Variants in OR8B8 observed in about 807,000 individuals in gnomAD.
OR8B8 encodes olfactory receptor 8B8.
A neutral mutation model predicts 10.5 loss-of-function variants in OR8B8; 8 were observed. That is an observed-to-expected ratio of 0.76 (90% confidence interval 0.45 to 1.38). OR8B8 has a LOEUF of 1.38. Ranked by LOEUF, OR8B8 falls within the 40% of genes most tolerant of loss-of-function variation. The pLI, the probability that OR8B8 is intolerant of heterozygous loss-of-function variation, is 0.00. For synonymous variants in OR8B8, 150 were observed against 145.2 expected (o/e 1.03, Z -0.24); for missense variants, 390 against 380.5 (o/e 1.03, Z -0.21).
In OR8B8 at chr11:124,440,977, C is replaced by A; in HGVS notation, c.109G>T (p.Val37Phe). ...LFFLFLGFYVVTVVGNLGLIT... is the reference protein window; with the variant it reads ...LFFLFLGFYVFTVVGNLGLIT... ...AAGCCCAGGTTCCCCACCACAGTGA[C>A]CACGTAGAAGCCTAGAAACAGGAAG... The change falls in exon 3 of 3, where the codon GTC (valine) becomes TTC (phenylalanine). Residue 37 changes from valine (V) to phenylalanine (F), a missense_variant. Transcript: ENST00000642064. The A allele has an allele frequency of 6.2e-7, 1 of 1,614,048 alleles. No individual in the cohort carries two copies. Among genetic ancestry groups the A allele is most frequent in the South Asian group, 1.1e-5 (1 of 91,074 alleles).
In OR8B8 at chr11:124,440,209, T is replaced by C. The variant is rs895103350; in HGVS notation, c.877A>G (p.Arg293Gly). 4.3e-6 allele frequency: 7 copies of C among 1,614,120 alleles called. No individual in the cohort carries two copies. The highest frequency in any genetic ancestry group is 5.9e-6 in the Non-Finnish European group (7 of 1,180,022). ...PMLNPLIYSL[R>G]NKDVKVALKK... Reference sequence around the variant, plus strand: ...AGAGCAACTTTGACGTCCTTATTCCTCAGGCTATAAATTAATGGGTTGAGC... The same window carrying C: ...AGAGCAACTTTGACGTCCTTATTCCCCAGGCTATAAATTAATGGGTTGAGC... Residue 293 changes from arginine (R) to glycine (G), a missense_variant, in exon 3 of 3, where the codon AGG (arginine) becomes GGG (glycine). Physicochemically the swap from Arg to Gly is moderately radical, Grantham distance 125. Coordinates refer to ENST00000642064, the MANE Select transcript of OR8B8 (RefSeq NM_012378.2).
Position 124,440,646 on chromosome 11 carries a change from C to T in OR8B8, c.440G>A (p.Gly147Asp). The T allele has an allele frequency of 6.2e-7, 1 of 1,614,140 alleles. No individual in the cohort carries two copies. ...CCCAGCAAACCCCATCCCATAGACA[C>T]CCAACAAAAGGAGAAAACACACCTG... is the stretch of plus-strand genomic sequence containing the variant. ...SPQVCFLLLL[G>D]VYGMGFAGAM... Residue 147 changes from glycine (G) to aspartate (D), a missense_variant, in exon 3 of 3, where the codon GGT becomes GAT. By Grantham distance (94) the Gly-to-Asp change is moderately conservative. Transcript: ENST00000642064.
intron 1 of OR8B8, among the ~76,000 whole-genome samples, chr11:124,444,095 T>TTC (rs1039803495): frequency 3.9e-5 from 6 of 152,208 alleles, no homozygotes; most frequent in Admixed American, 3.3e-4. Flanking sequence ...TTCCCTGTTT[T>TTC]TCTCTCTCTC....
Position 124,440,307 on chromosome 11 carries a change from A to T in OR8B8, c.779T>A (p.Leu260His). 6.2e-7 allele frequency: 1 copy of T among 1,614,234 alleles called. No individual in the cohort carries two copies. Among genetic ancestry groups the T allele is most frequent in the South Asian group, 1.1e-5 (1 of 91,076 alleles). ...CATAGCTAAAAGAGAAAAGGGTTTG[A>T]GGTACATGAATGCTCCTGACCCAAA... is the stretch of plus-strand genomic sequence containing the variant. ...LFFGSGAFMY[L>H]KPFSLLAMNQ... Residue 260 changes from leucine (L) to histidine (H), a missense_variant, in exon 3 of 3, where the codon CTC (leucine) becomes CAC (histidine). Coordinates refer to ENST00000642064, the MANE Select transcript of OR8B8 (RefSeq NM_012378.2).
rs1369000360 is a variant in OR8B8, at chr11:124,438,932, A to G, written c.*1218T>C. 1.3e-5 allele frequency: 2 copies of G among 152,262 alleles called. No homozygotes were observed. Among genetic ancestry groups the G allele is most frequent in the South Asian group, 2.1e-4 (1 of 4,838 alleles). The allele number at this position is 152,262 out of a possible 1,614,324, so 9.4% of individuals were successfully genotyped here. A position where few individuals can be genotyped will look rare whatever the true frequency, so the allele number is the denominator to read the frequency against. On this transcript the variant is annotated 3_prime_UTR_variant, in exon 3 of 3. Coordinates refer to ENST00000642064, the MANE Select transcript of OR8B8 (RefSeq NM_012378.2). Reference sequence around the variant, plus strand: ...TCTGATTTCCTCTGCTGATGTTGCCATTGGTCTAACCCAACTGAAACCAGA... The same window carrying G: ...TCTGATTTCCTCTGCTGATGTTGCCGTTGGTCTAACCCAACTGAAACCAGA...
chr11:124,443,030 A>ATCTT (rs1160645650), intron 1 of OR8B8, among the ~76,000 whole-genome samples: 1 of 152,252 alleles, frequency 6.6e-6, no homozygotes, highest in African/African-American at 2.4e-5. Flanking sequence ...ATTGATCTGG[A>ATCTT]TATTTAGACA....
In OR8B8 at chr11:124,438,588, C is replaced by A. The variant is rs1861428937; in HGVS notation, c.*1562G>T. ...ATAAACCTGAGCCATATCATTTCTC[C>A]CACCCTTTATTGGAAGGTGCAGCAG... is the stretch of plus-strand genomic sequence containing the variant. On this transcript the variant is annotated 3_prime_UTR_variant, in exon 3 of 3. Transcript: ENST00000642064. 1 of 152,172 alleles carries A rather than the reference C, an allele frequency of 6.6e-6. No individual in the cohort carries two copies. Among genetic ancestry groups the A allele is most frequent in the African/African-American group, 2.4e-5 (1 of 41,430 alleles). 9.4% of individuals were successfully genotyped at this position (152,172 alleles called of 1,614,324 possible). A position where few individuals can be genotyped will look rare whatever the true frequency, so the allele number is the denominator to read the frequency against.
At chr11:124,441,127 T>A (rs2134238716) in intron 2 of OR8B8, 26 bp from the exon 3 acceptor site, 1 of 1,471,516 alleles carries the variant, frequency 6.8e-7, no homozygotes, top group African/African-American at 1.4e-5. Context: ...AAAAAGTTAT[T>A]TAGAGAGAGA....
At chr11:124,443,435 G>C (rs1442753428) in intron 1 of OR8B8, among the ~76,000 whole-genome samples, 2 of 152,152 alleles carry the variant, frequency 1.3e-5, no homozygotes, top group African/African-American at 2.4e-5. Context: ...GGGCTACTGG[G>C]TGTTGATGAC....
At position 124,440,614 on chromosome 11, in the gene OR8B8, C is replaced by T; in HGVS notation, c.472G>A (p.Ala158Thr). The change falls in exon 3 of 3, where the codon GCC becomes ACC. Residue 158 changes from alanine (A) to threonine (T), a missense_variant. Ala to Thr is a moderately conservative substitution (Grantham distance 58). Coordinates refer to ENST00000642064, the MANE Select transcript of OR8B8 (RefSeq NM_012378.2). ...ACACCCATCATGCACGCTGTGTGGG[C>T]CATGGCCCCAGCAAACCCCATCCCA... ...VYGMGFAGAM[A>T]HTACMMGVTF... is the part of the protein sequence containing the mutation. 6.2e-7 allele frequency: 1 copy of T among 1,614,142 alleles called. No homozygotes were observed. The highest frequency in any genetic ancestry group is 1.1e-5 in the South Asian group (1 of 91,072).
rs1861447320 is a variant in OR8B8, at chr11:124,440,047, G to C, written c.*103C>G. The C allele has an allele frequency of 1.1e-6, 1 of 870,556 alleles. No individual in the cohort carries two copies. The highest frequency in any genetic ancestry group is 1.7e-5 in the African/African-American group (1 of 58,904). 53.9% of individuals were successfully genotyped at this position (870,556 alleles called of 1,614,324 possible). Reference sequence around the variant, plus strand: ...ATTAAAGAACCCTTAAAATGGGGATGATGAACCTGTTTGAGGAAAAATTAT... The same window carrying C: ...ATTAAAGAACCCTTAAAATGGGGATCATGAACCTGTTTGAGGAAAAATTAT... On this transcript the variant is annotated 3_prime_UTR_variant, in exon 3 of 3. Transcript: ENST00000642064.
At position 124,445,605 on chromosome 11, in the gene OR8B8, A is replaced by G. The variant is rs1861520178; in HGVS notation, c.-182T>C. ...GAGCTTGCTCCTCTGCCACATGTGG[A>G]ATGTATTTTAGTCACTGCTCAGAAA... On this transcript the variant is annotated 5_prime_UTR_variant, in exon 1 of 3. Transcript: ENST00000642064. 1 of 152,122 alleles carries G rather than the reference A, an allele frequency of 6.6e-6. No homozygotes were observed. Among genetic ancestry groups the G allele is most frequent in the South Asian group, 2.1e-4 (1 of 4,814 alleles). 9.4% of individuals were successfully genotyped at this position (152,122 alleles called of 1,614,324 possible). A position where few individuals can be genotyped will look rare whatever the true frequency, so the allele number is the denominator to read the frequency against.
intron 1 of OR8B8, among the ~76,000 whole-genome samples, chr11:124,442,921 C>A (rs573563354): frequency 8.6e-6 from 1 of 115,788 alleles, no homozygotes; most frequent in South Asian, 2.7e-4. Flanking sequence ...AATTAGATAA[C>A]TATATGCTTA....
In OR8B8 at chr11:124,440,409, A is replaced by T; in HGVS notation, c.677T>A (p.Phe226Tyr). The T allele has an allele frequency of 6.2e-7, 1 of 1,614,202 alleles. No homozygotes were observed. The highest frequency in any genetic ancestry group is 8.5e-7 in the Non-Finnish European group (1 of 1,180,028). The change falls in exon 3 of 3, where the codon TTC (phenylalanine) becomes TAC (tyrosine). Residue 226 changes from phenylalanine (F) to tyrosine (Y), a missense_variant. Transcript: ENST00000642064. Reference protein sequence around the residue: ...ISYALILSSIFHIDSTEGRSK... With the variant: ...ISYALILSSIYHIDSTEGRSK... ...CCTGCCCTCCGTGGAATCAATGTGG[A>T]AGATGCTGGAGAGAATGAGAGCATA...
At chr11:124,443,473 T>C (rs1861497236) in intron 1 of OR8B8, among the ~76,000 whole-genome samples, 1 of 152,166 alleles carries the variant, frequency 6.6e-6, no homozygotes, top group Non-Finnish European at 1.5e-5. Context: ...CCAAATGCTA[T>C]GTTTAATGTG....
chr11:124,443,825 C>T (rs1423158668), intron 1 of OR8B8, among the ~76,000 whole-genome samples: 2 of 152,082 alleles, frequency 1.3e-5, no homozygotes, highest in East Asian at 1.9e-4. Flanking sequence ...GACTACACTA[C>T]GTATCCCCTC....
chr11:124,441,304 A>G lies in OR8B8; in HGVS notation c.-17+184T>C, dbSNP rs1486578238. 3 of 565,488 alleles carry G rather than the reference A, an allele frequency of 5.3e-6. No individual in the cohort carries two copies. The Admixed American group carries it at 9.1e-5, about 17-fold the overall frequency. 35.0% of individuals were successfully genotyped at this position (565,488 alleles called of 1,614,324 possible). A position where few individuals can be genotyped will look rare whatever the true frequency, so the allele number is the denominator to read the frequency against. ...GCTGCTGGCAAGGCCTCCCATCTTT[A>G]CTTTGATCCCTTTGTTGCGCCCTTT... is the stretch of plus-strand genomic sequence containing the variant. On this transcript the variant is annotated intron_variant, in intron 2 of 2. Transcript: ENST00000642064.
At position 124,441,075 on chromosome 11, in the gene OR8B8, TCAG is replaced by T; in HGVS notation, c.8_10del (p.Ala3del). ...AAACTGTGTCACGAAGGAGGAATTC[TCAG>T]CAGCCATTGTCATTTAAGGCATTCT... On this transcript the variant is annotated inframe_deletion, in exon 3 of 3. Coordinates refer to ENST00000642064, the MANE Select transcript of OR8B8 (RefSeq NM_012378.2). 6.2e-7 allele frequency: 1 copy of T among 1,609,986 alleles called. No homozygotes were observed. Among genetic ancestry groups the T allele is most frequent in the Non-Finnish European group, 8.5e-7 (1 of 1,179,444 alleles).
rs144741547 is a variant in OR8B8 at position 124,443,915 on chromosome 11, T to C, written c.-153+1661A>G. On this transcript the variant is annotated intron_variant, in intron 1 of 2. Coordinates refer to ENST00000642064, the MANE Select transcript of OR8B8 (RefSeq NM_012378.2). ...TCAGCCATTATGGTGCACGTGCTGA[T>C]CTGTAAGCGTGAAGGAATTAACACC... 1.4e-4 allele frequency among the ~76,000 whole-genome samples: 21 copies of C among 151,484 alleles called. 1 individual carries two copies. In the East Asian group the frequency reaches 3.1e-3, roughly 22 times the overall value.
Sources: allele counts gnomAD v4.1 joint callset (sites outside exome capture counted in the v4.1 genomes callset), GRCh38; gene constraint gnomAD v4.1.1; transcripts MANE v1.5; gene names NCBI Gene and HGNC (gene_info 2026-07-23, HGNC 2026-07-21).